The following STOX2 variants were observed in gnomAD, a reference collection of about 807,000 sequenced individuals.
The protein encoded by STOX2 is storkhead box 2, also known as storkhead-box protein 2.
STOX2 carries 28 observed loss-of-function variants against 60.9 expected under a neutral mutation model. The observed-to-expected ratio is 0.46, with a 90% CI of 0.34 to 0.63. The LOEUF (loss-of-function observed/expected upper bound fraction) is 0.63. STOX2 is among the 30% of genes least tolerant of loss of function. The pLI is 0.01. For missense variants in STOX2, 1,024 were observed against 1,187.7 expected (o/e 0.86, Z 2.03); for synonymous variants, 472 against 463.9 (o/e 1.02, Z -0.22).
intron 1 of STOX2, among the ~76,000 whole-genome samples, chr4:183,859,025 T>G (rs1213598742): frequency 1.3e-5 from 2 of 152,130 alleles, no homozygotes; most frequent in Non-Finnish European, 2.9e-5. Flanking sequence ...CCCACATTCC[T>G]CTTCTATAGG....
rs1734040742 is a variant in STOX2, at chr4:184,009,492, T to C, written c.654T>C (p.Ser218=). The part of the protein sequence containing the change: ...STHAPTLQRK[S]AKDCKDPYCP... ...ATGCACCCACCCTGCAAAGGAAGTC[T>C]GCCAAGGACTGCAAAGACCCTTACT... is the stretch of plus-strand genomic sequence containing the variant. Residue 218 remains serine (S), a synonymous_variant, in exon 3 of 4, where the codon TCT becomes TCC. Coordinates refer to ENST00000308497, the MANE Select transcript of STOX2 (RefSeq NM_020225.3). This position sits in a 1 kb window ranked among gnomAD's most constrained non-coding sequence, Gnocchi z 4.0. 19 of 1,614,036 alleles carry C rather than the reference T, an allele frequency of 1.2e-5. No individual in the cohort carries two copies. The highest frequency in any genetic ancestry group is 1.6e-5 in the Non-Finnish European group (19 of 1,179,890).
intron 1 of STOX2, among the ~76,000 whole-genome samples, chr4:183,954,670 TCACA>T (rs1743195858): frequency 6.6e-6 from 1 of 152,120 alleles, no homozygotes; most frequent in Admixed American, 6.5e-5. Flanking sequence ...CACACACACA[TCACA>T]CACACTACTG....
At chr4:183,815,204 C>T (rs933037440) in intron 1 of STOX2, among the ~76,000 whole-genome samples, 11 of 151,564 alleles carry the variant, frequency 7.3e-5, no homozygotes, top group African/African-American at 2.7e-4. Flanking sequence ...GCTATATTGC[C>T]AGGCTGGTCT....
chr4:183,822,271 T>C lies in STOX2; in HGVS notation c.364+24216T>C, dbSNP rs113019130. On this transcript the variant is annotated intron_variant, in intron 1 of 2. Coordinates refer to the STOX2 transcript ENST00000513034. ...CTTAGATTGAGAAGTAACCCATTTATGTATATCATGGTCTCCAACCTTTTT... is the reference window on the plus strand; with the variant it reads ...CTTAGATTGAGAAGTAACCCATTTACGTATATCATGGTCTCCAACCTTTTT... Among the ~76,000 whole-genome samples, 2 of 152,226 alleles carry C rather than the reference T, an allele frequency of 1.3e-5. 1 individual carries two copies.
At chr4:183,837,634 T>G (rs1359115100) in intron 1 of STOX2, among the ~76,000 whole-genome samples, 1 of 152,056 alleles carries the variant, frequency 6.6e-6, no homozygotes, top group Non-Finnish European at 1.5e-5. Flanking sequence ...AATTTTTGTA[T>G]TTTTGGTGGA....
intron 1 of STOX2, among the ~76,000 whole-genome samples, chr4:183,818,590 C>T (rs1299278347): frequency 6.6e-6 from 1 of 152,250 alleles, no homozygotes; most frequent in African/African-American, 2.4e-5. Context: ...CATCATGGCC[C>T]GTTCTCAATG....
chr4:183,948,514 A>AG (rs1310357493), intron 1 of STOX2, among the ~76,000 whole-genome samples: 1 of 140,214 alleles, frequency 7.1e-6, no homozygotes, highest in East Asian at 2.2e-4. Context: ...CCTTTGGACA[A>AG]GCTGTTAACT....
In STOX2 at chr4:183,868,749, T is replaced by C. The variant is rs111718089; in HGVS notation, c.364+70694T>C. Among the ~76,000 whole-genome samples the C allele has an allele frequency of 8.8e-3, 1,333 of 152,336 alleles. 15 individuals are homozygous for C. Among genetic ancestry groups the C allele is most frequent in the African/African-American group, 0.031 (1,290 of 41,580 alleles). On this transcript the variant is annotated intron_variant, in intron 1 of 2. Coordinates refer to the STOX2 transcript ENST00000513034. ...ACTTCATGGAATGCAGCAAGCTGTGTATAGCTCCTCGTAGCAAAACCTCAA... is the reference window on the plus strand; with the variant it reads ...ACTTCATGGAATGCAGCAAGCTGTGCATAGCTCCTCGTAGCAAAACCTCAA...
At chr4:183,918,122 C>G (rs1469310534) in intron 1 of STOX2, among the ~76,000 whole-genome samples, 1 of 152,214 alleles carries the variant, frequency 6.6e-6, no homozygotes, top group Non-Finnish European at 1.5e-5. Context: ...CAGCGGGCAA[C>G]TTGTCTAGTG....
intron 1 of STOX2, among the ~76,000 whole-genome samples, chr4:183,840,458 G>GC (rs925651440): frequency 2.0e-5 from 3 of 152,164 alleles, no homozygotes; most frequent in African/African-American, 7.2e-5. Context: ...ATCTGACGTA[G>GC]CCCCTTCATC....
chr4:184,001,573 G>C lies in STOX2; in HGVS notation c.319+96G>C. The C allele has an allele frequency of 8.1e-7, 1 of 1,231,116 alleles. No individual in the cohort carries two copies. The highest frequency in any genetic ancestry group is 1.1e-6 in the Non-Finnish European group (1 of 910,742). The allele number at this position is 1,231,116 out of a possible 1,614,324, so 76.3% of individuals were successfully genotyped here. A position where few individuals can be genotyped will look rare whatever the true frequency, so the allele number is the denominator to read the frequency against. On this transcript the variant is annotated intron_variant, in intron 2 of 3. Transcript: ENST00000308497. This position sits in a 1 kb window ranked among gnomAD's most constrained non-coding sequence, Gnocchi z 4.2. Reference sequence around the variant, plus strand: ...GTTCTGCCCATGTTTAAAGAGAATAGGAAAACATTCTTCCCCAAAACTGAC... The same window carrying C: ...GTTCTGCCCATGTTTAAAGAGAATACGAAAACATTCTTCCCCAAAACTGAC...
At position 184,023,333 on chromosome 4, in the gene STOX2, A is replaced by G. The variant is rs1734661499; in HGVS notation, c.*6049A>G. On this transcript the variant is annotated 3_prime_UTR_variant, in exon 4 of 4. Transcript: ENST00000308497. ...GGTTTTTATCGTGTCAGTGTACCAT[A>G]CTGTAAATGATGATTACTTGTCATG... The G allele has an allele frequency of 6.6e-6, 1 of 152,208 alleles. No individual in the cohort carries two copies. Among genetic ancestry groups the G allele is most frequent in the South Asian group, 2.1e-4 (1 of 4,830 alleles). 9.4% of individuals were successfully genotyped at this position (152,208 alleles called of 1,614,324 possible). A position where few individuals can be genotyped will look rare whatever the true frequency, so the allele number is the denominator to read the frequency against.
intron 1 of STOX2, among the ~76,000 whole-genome samples, chr4:183,959,488 G>T (rs928176020): frequency 2.0e-5 from 3 of 152,120 alleles, no homozygotes; most frequent in Non-Finnish European, 2.9e-5. Flanking sequence ...CCCTTCCCCC[G>T]CAGTGGTGCA....
chr4:183,973,148 TAA>T (rs1159049114), intron 1 of STOX2, among the ~76,000 whole-genome samples: 1 of 152,156 alleles, frequency 6.6e-6, no homozygotes, highest in Non-Finnish European at 1.5e-5. Flanking sequence ...TCAAAGTTCC[TAA>T]AAGAGTGTGA....
chr4:183,992,490 G>A (rs1339371824), intron 1 of STOX2, among the ~76,000 whole-genome samples: 1 of 152,230 alleles, frequency 6.6e-6, no homozygotes, highest in Admixed American at 6.5e-5. Flanking sequence ...TTATGCTGCA[G>A]AATGAACATG....
At chr4:183,834,848 A>G (rs1344397695) in intron 1 of STOX2, among the ~76,000 whole-genome samples, 1 of 152,196 alleles carries the variant, frequency 6.6e-6, no homozygotes, top group African/African-American at 2.4e-5. Context: ...AGAAACTTCA[A>G]GTTTACAGTG....
Position 183,836,722 on chromosome 4 carries a change from G to T in STOX2, c.364+38667G>T, listed in dbSNP as rs1229657367. On this transcript the variant is annotated intron_variant, in intron 1 of 2. Transcript: ENST00000513034. The surrounding 1 kb of genome is among the most constrained non-coding windows in gnomAD (Gnocchi z 4.1). The stretch of plus-strand genomic sequence containing the variant: ...TTCGTGGCAGGGTCAGTGACTTCTC[G>T]TGACAGCCTCATGAAGGTGAAAAAG... Among the ~76,000 whole-genome samples the T allele has an allele frequency of 6.6e-6, 1 of 152,128 alleles. No homozygotes were observed. The highest frequency in any genetic ancestry group is 1.5e-5 in the Non-Finnish European group (1 of 68,030).
Position 184,009,049 on chromosome 4 carries a change from G to T in STOX2, c.320-109G>T, listed in dbSNP as rs55708189. ...ACCTTTGTCTGAATTGTGCATCCTAGCTCTGTGATGGTACTTCGCATCTTG... is the reference window on the plus strand; with the variant it reads ...ACCTTTGTCTGAATTGTGCATCCTATCTCTGTGATGGTACTTCGCATCTTG... On this transcript the variant is annotated intron_variant, in intron 2 of 3. Transcript: ENST00000308497. The surrounding 1 kb of genome is among the most constrained non-coding windows in gnomAD (Gnocchi z 4.0). 1 of 849,448 alleles carries T rather than the reference G, an allele frequency of 1.2e-6. No individual in the cohort carries two copies. The highest frequency in any genetic ancestry group is 1.9e-5 in the South Asian group (1 of 53,810). 52.6% of individuals were successfully genotyped at this position (849,448 alleles called of 1,614,324 possible). A position where few individuals can be genotyped will look rare whatever the true frequency, so the allele number is the denominator to read the frequency against.
At chr4:183,962,825 A>G (rs995588266) in intron 1 of STOX2, among the ~76,000 whole-genome samples, 6 of 152,252 alleles carry the variant, frequency 3.9e-5, no homozygotes, top group Admixed American at 3.9e-4. Flanking sequence ...GTGTGCTTTT[A>G]GATAATTTGG....
Sources: allele counts gnomAD v4.1 joint callset (sites outside exome capture counted in the v4.1 genomes callset), GRCh38; gene constraint gnomAD v4.1.1; non-coding constraint Gnocchi (gnomAD v3.1); transcripts MANE v1.5; gene names NCBI Gene and HGNC (gene_info 2026-07-23, HGNC 2026-07-21).